Variants in TMCO5A observed in about 807,000 individuals in gnomAD.
TMCO5A encodes transmembrane and coiled-coil domain-containing protein 5A.
A neutral mutation model predicts 42.3 loss-of-function variants in TMCO5A; 34 were observed. That is an observed-to-expected ratio of 0.80 (90% CI 0.61 to 1.07). The LOEUF (loss-of-function observed/expected upper bound fraction) is 1.07, where lower values mean the gene tolerates loss of function less well. TMCO5A is among the 50% of genes least tolerant of loss of function. TMCO5A has a pLI of 0.00. For synonymous variants in TMCO5A, 131 were observed against 115.6 expected (o/e 1.13, Z -0.86); for missense variants, 357 against 327.9 (o/e 1.09, Z -0.69).
At chr15:37,937,920 C>A (rs370890896) in intron 5 of TMCO5A, among the ~76,000 whole-genome samples, 1 of 151,950 alleles carries the variant, frequency 6.6e-6, no homozygotes, top group Non-Finnish European at 1.5e-5. Context: ...TAACCCAGTG[C>A]GAATTAGGGG....
chr15:38,014,853 T>TTTTATATA, the TMCO5A span, among the ~76,000 whole-genome samples: 6 of 54,628 alleles, frequency 1.1e-4, no homozygotes, highest in African/African-American at 4.6e-4. Flanking sequence ...AGGAGAAAGA[T>TTTTATATA]TATATATATA....
At chr15:38,037,529 A>C in the TMCO5A span, among the ~76,000 whole-genome samples, 1 of 152,220 alleles carries the variant, frequency 6.6e-6, no homozygotes, top group Admixed American at 6.5e-5. Context: ...AGAGCAACCA[A>C]GATAGTACTT....
the TMCO5A span, among the ~76,000 whole-genome samples, chr15:38,008,103 G>T: frequency 6.6e-6 from 1 of 151,646 alleles, no homozygotes; most frequent in Non-Finnish European, 1.5e-5. Context: ...CACCATGTTA[G>T]CCGGGATGGT....
intron 11 of TMCO5A, among the ~76,000 whole-genome samples, chr15:37,964,188 G>T (rs1890500874): frequency 6.6e-6 from 1 of 152,128 alleles, no homozygotes; most frequent in Admixed American, 6.6e-5. Context: ...GTCCCATGGG[G>T]TGTTCCCTTG....
intron 11 of TMCO5A, among the ~76,000 whole-genome samples, chr15:37,959,939 C>T (rs1175199767): frequency 6.6e-6 from 1 of 151,210 alleles, no homozygotes; most frequent in African/African-American, 2.4e-5. Context: ...AAGAATCCAC[C>T]AAAAAAAACT....
At chr15:37,981,257 A>G in the TMCO5A span, among the ~76,000 whole-genome samples, 2 of 151,912 alleles carry the variant, frequency 1.3e-5, no homozygotes, top group Non-Finnish European at 2.9e-5. Context: ...AGCCAGCAGA[A>G]TAGTTTTGCC....
At chr15:38,035,359 G>C in the TMCO5A span, among the ~76,000 whole-genome samples, 2 of 152,138 alleles carry the variant, frequency 1.3e-5, no homozygotes, top group African/African-American at 2.4e-5. Flanking sequence ...GCTTATATAT[G>C]CCTAAACTAT....
At chr15:38,035,999 A>G in the TMCO5A span, among the ~76,000 whole-genome samples, 1 of 152,106 alleles carries the variant, frequency 6.6e-6, no homozygotes, top group Non-Finnish European at 1.5e-5. Flanking sequence ...TCCTGTATTC[A>G]ATTTTTATTA....
intron 3 of TMCO5A, 23 bp downstream of exon 3, chr15:37,936,486 G>A (rs2140254271): frequency 6.3e-7 from 1 of 1,596,582 alleles, no homozygotes; most frequent in African/African-American, 1.4e-5. Flanking sequence ...GTTTCATGAG[G>A]GAAGTTCCCA....
At chr15:38,019,216 T>A in the TMCO5A span, among the ~76,000 whole-genome samples, 1 of 152,150 alleles carries the variant, frequency 6.6e-6, no homozygotes, top group African/African-American at 2.4e-5. Flanking sequence ...TTGCAGATAA[T>A]GTTGTGAAAC....
At chr15:38,032,963 T>C in the TMCO5A span, among the ~76,000 whole-genome samples, 2 of 149,096 alleles carry the variant, frequency 1.3e-5, no homozygotes, top group Admixed American at 6.7e-5. Flanking sequence ...AGTCTCGCCT[T>C]GTCGCCCAGG....
the TMCO5A span, among the ~76,000 whole-genome samples, chr15:37,992,118 A>C: frequency 6.6e-6 from 1 of 152,192 alleles, no homozygotes; most frequent in Non-Finnish European, 1.5e-5. Flanking sequence ...AAGGTCTAAT[A>C]TCCAGCATCT....
At chr15:37,982,724 T>C in the TMCO5A span, among the ~76,000 whole-genome samples, 5 of 141,498 alleles carry the variant, frequency 3.5e-5, no homozygotes, top group African/African-American at 1.4e-4. Flanking sequence ...TATATAAATA[T>C]CTATAATATA....
At chr15:38,032,647 G>A in the TMCO5A span, among the ~76,000 whole-genome samples, 1 of 152,156 alleles carries the variant, frequency 6.6e-6, no homozygotes, top group Admixed American at 6.5e-5. Context: ...GTCCCAGTGG[G>A]TAGCCAGGCA....
chr15:37,968,696 C>G (rs546503369), downstream of TMCO5A, among the ~76,000 whole-genome samples: 1 of 151,914 alleles, frequency 6.6e-6, no homozygotes, highest in South Asian at 2.1e-4. Context: ...TATTCTCCTG[C>G]CTCAGCCTCC....
intron 11 of TMCO5A, 24 bp from the exon 12 acceptor site, chr15:37,951,012 A>C: frequency 6.2e-7 from 1 of 1,602,626 alleles, no homozygotes; most frequent in Non-Finnish European, 8.5e-7. Context: ...TCTGGTTAAC[A>C]GTTTCATGGC....
chr15:37,936,861 T>C lies in TMCO5A; in HGVS notation c.155T>C (p.Ile52Thr), dbSNP rs1889530586. 1.9e-6 allele frequency: 3 copies of C among 1,611,834 alleles called. No individual in the cohort carries two copies. The highest frequency in any genetic ancestry group is 2.5e-6 in the Non-Finnish European group (3 of 1,178,902). Residue 52 changes from isoleucine to threonine, a missense_variant, in exon 4 of 12, where the codon ATC becomes ACC. Ile to Thr is a moderately conservative substitution (Grantham distance 89). Transcript: ENST00000319669. ...EDKIQRLESE[I>T]IQTRGLVEDE... Reference sequence around the variant, plus strand: ...GTGTTGTCCAGGCTGGAAAGTGAGATCATTCAGACGCGGGGCCTGGTGGAA... The same window carrying C: ...GTGTTGTCCAGGCTGGAAAGTGAGACCATTCAGACGCGGGGCCTGGTGGAA...
chr15:38,036,494 TCTCACA>T, the TMCO5A span, among the ~76,000 whole-genome samples: 34,827 of 135,190 alleles, frequency 0.26, 4,506 homozygotes, highest in East Asian at 0.49. Flanking sequence ...TCTCTCTCTC[TCTCACA>T]CACACACACA....
Position 37,943,365 on chromosome 15 carries a change from T to C in TMCO5A, c.594T>C (p.Pro198=), listed in dbSNP as rs1323543093. The change falls in exon 10 of 12, where the codon CCT becomes CCC. Residue 198 remains proline, a synonymous_variant. Coordinates refer to ENST00000319669, the MANE Select transcript of TMCO5A (RefSeq NM_152453.4). ...REVSKLVSMN[P]VEKEHTSQNN... ...GATCAAAACTCGTGAGCATGAACCC[T>C]GTGGAAAAAGAGCATACCAGCCAAA... is the stretch of plus-strand genomic sequence containing the variant. 3.1e-6 allele frequency: 5 copies of C among 1,612,486 alleles called. No individual in the cohort carries two copies. Among genetic ancestry groups the C allele is most frequent in the Non-Finnish European group, 4.2e-6 (5 of 1,179,098 alleles).
Sources: gnomAD v4.1 joint callset for allele counts (sites outside exome capture counted in the v4.1 genomes callset) on GRCh38, gnomAD v4.1.1 for gene constraint, MANE v1.5 for transcripts, NCBI Gene and HGNC (gene_info 2026-07-23, HGNC 2026-07-21) for gene names.